The following GALNT14 variants were observed in gnomAD, a reference collection of about 807,000 sequenced individuals.
The protein encoded by GALNT14 is UDP-GalNAc:polypeptide N-acetylgalactosaminyltransferase 14.
A neutral mutation model predicts 77.5 loss-of-function variants in GALNT14; 60 were observed. The observed-to-expected ratio is 0.77, with a 90% confidence interval of 0.63 to 0.96. GALNT14 has a LOEUF of 0.96. GALNT14 is among the 40% of genes least tolerant of loss of function. The pLI is 0.00. For synonymous variants in GALNT14, 280 were observed against 281.7 expected (o/e 0.99, Z 0.06); for missense variants, 710 against 731.0 (o/e 0.97, Z 0.33).
At position 30,957,928 on chromosome 2, in the gene GALNT14, T is replaced by A. The variant is rs193034603; in HGVS notation, c.466+469A>T. On this transcript the variant is annotated intron_variant, in intron 4 of 14. Transcript: ENST00000349752. ...TGTACATTTCAAATTTGATGCACAG[T>A]GTCTGGTAAGACACACATGTTTTTC... is the stretch of plus-strand genomic sequence containing the variant. 5.3e-5 allele frequency among the ~76,000 whole-genome samples: 8 copies of A among 152,358 alleles called. No homozygotes were observed. The East Asian group carries it at 1.5e-3, about 29-fold the overall frequency.
chr2:31,092,660 AC>A (rs1426743446), intron 1 of GALNT14, among the ~76,000 whole-genome samples: 2 of 152,122 alleles, frequency 1.3e-5, no homozygotes, highest in African/African-American at 4.8e-5. Context: ...GGGACTGGAG[AC>A]CCATTTCAGT....
intron 1 of GALNT14, among the ~76,000 whole-genome samples, chr2:31,096,439 T>G (rs944827073): frequency 2.0e-5 from 3 of 152,304 alleles, no homozygotes; most frequent in Admixed American, 6.5e-5. Context: ...TTTCCTCCTA[T>G]GAAGTTGAGG....
At chr2:31,097,460 T>G (rs10175305) in intron 1 of GALNT14, among the ~76,000 whole-genome samples, 89,769 of 150,714 alleles carry the variant, frequency 0.6, 27,817 homozygotes, top group African/African-American at 0.76. Flanking sequence ...TCTAGGCATG[T>G]GAGATATGAA....
chr2:30,942,391 C>G, intron 8 of GALNT14, 87 bp from the exon 9 acceptor site: 2 of 933,986 alleles, frequency 2.1e-6, no homozygotes, highest in Non-Finnish European at 3.3e-6. Context: ...CTGAAACACC[C>G]ATTTCCCATT....
intron 1 of GALNT14, among the ~76,000 whole-genome samples, chr2:31,047,747 G>A (rs947910851): frequency 3.3e-5 from 5 of 152,294 alleles, no homozygotes; most frequent in African/African-American, 9.6e-5. Flanking sequence ...CCATACCCAG[G>A]ATGTACTGAA....
chr2:30,893,719 C>A, the GALNT14 span, among the ~76,000 whole-genome samples: 2 of 151,208 alleles, frequency 1.3e-5, no homozygotes, highest in African/African-American at 2.4e-5. Flanking sequence ...GGAGTCGTTG[C>A]GGAGTAGGGG....
At chr2:30,947,658 A>G (rs946978600) in intron 6 of GALNT14, among the ~76,000 whole-genome samples, 4 of 152,050 alleles carry the variant, frequency 2.6e-5, no homozygotes, top group Non-Finnish European at 5.9e-5. Flanking sequence ...TGCTTTTCCA[A>G]TCCTCTGCAC....
Position 30,952,712 on chromosome 2 carries a change from T to C in GALNT14, c.654+2906A>G, listed in dbSNP as rs1279777275. ...CCAGCATGGCACATGTATACATATG[T>C]AACTAACCTGCACATTGTGCACATG... On this transcript the variant is annotated intron_variant, in intron 6 of 14. Transcript: ENST00000349752. Among the ~76,000 whole-genome samples, 10 of 150,298 alleles carry C rather than the reference T, an allele frequency of 6.7e-5. No individual in the cohort carries two copies. In the East Asian group the frequency reaches 2.0e-3, roughly 30 times the overall value.
intron 13 of GALNT14, among the ~76,000 whole-genome samples, 161 bp from the exon 14 acceptor site, chr2:30,912,503 G>C (rs1387063788): frequency 3.3e-5 from 5 of 152,210 alleles, no homozygotes; most frequent in Non-Finnish European, 7.3e-5. Context: ...TGCTACTCAA[G>C]TGCCAGAGAC....
intron 1 of GALNT14, among the ~76,000 whole-genome samples, chr2:31,031,159 G>C (rs1457537653): frequency 6.6e-6 from 1 of 152,122 alleles, no homozygotes; most frequent in African/African-American, 2.4e-5. Context: ...CAAAATGGTA[G>C]ACTTATCAAG....
At chr2:31,039,535 T>C (rs974787593) in intron 1 of GALNT14, among the ~76,000 whole-genome samples, 9 of 152,340 alleles carry the variant, frequency 5.9e-5, no homozygotes, top group African/African-American at 2.2e-4. Flanking sequence ...TCTCATATTT[T>C]CCATCCAGTG....
At chr2:30,943,365 C>A (rs1162228805) in intron 8 of GALNT14, among the ~76,000 whole-genome samples, 1 of 152,146 alleles carries the variant, frequency 6.6e-6, no homozygotes, top group Non-Finnish European at 1.5e-5. Context: ...AAAGACCTGG[C>A]CCCCGTTCAG....
At chr2:31,125,212 C>G in intron 1 of GALNT14, 1 of 1,550,546 alleles carries the variant, frequency 6.4e-7, no homozygotes, top group South Asian at 1.2e-5. Flanking sequence ...CCTGAGGCGC[C>G]CAAGGGCTCA....
intron 2 of GALNT14, among the ~76,000 whole-genome samples, chr2:30,979,632 T>C (rs1328321233): frequency 1.3e-5 from 2 of 152,186 alleles, no homozygotes; most frequent in East Asian, 3.9e-4. Flanking sequence ...ACAGCAAAGA[T>C]AAGCTCAAGG....
Position 31,114,701 on chromosome 2 carries a change from CAA to C in GALNT14, c.129+23255_129+23256del, listed in dbSNP as rs778170117. On this transcript the variant is annotated intron_variant, in intron 1 of 14. Coordinates refer to ENST00000349752, the MANE Select transcript of GALNT14 (RefSeq NM_024572.4). The stretch of plus-strand genomic sequence containing the variant: ...CCAGAAGGGGAAAAAGGAACAAATA[CAA>C]AAGAGACAAGAATTTAACAAATGGA... 11 of 712,062 alleles carry C rather than the reference CAA, an allele frequency of 1.5e-5. No individual in the cohort carries two copies. In the South Asian group the frequency reaches 1.7e-4, roughly 11 times the overall value. The allele number at this position is 712,062 out of a possible 1,614,324, so 44.1% of individuals were successfully genotyped here. A position where few individuals can be genotyped will look rare whatever the true frequency, so the allele number is the denominator to read the frequency against.
At chr2:31,055,638 A>G (rs1674162370) in intron 1 of GALNT14, among the ~76,000 whole-genome samples, 2 of 152,206 alleles carry the variant, frequency 1.3e-5, no homozygotes. Context: ...GGCTTTGAGC[A>G]GGCTCACTGA....
chr2:30,981,399 C>T (rs1668979807), intron 2 of GALNT14, among the ~76,000 whole-genome samples: 1 of 152,226 alleles, frequency 6.6e-6, no homozygotes, highest in South Asian at 2.1e-4. Context: ...ACTCCAGGAG[C>T]AAGCATCTCT....
At chr2:30,970,997 C>T (rs1212434396) in intron 2 of GALNT14, among the ~76,000 whole-genome samples, 3 of 152,182 alleles carry the variant, frequency 2.0e-5, no homozygotes, top group East Asian at 1.9e-4. Context: ...ATCTGGTGCT[C>T]GTCCCTACAG....
intron 1 of GALNT14, among the ~76,000 whole-genome samples, chr2:31,079,760 G>A (rs930432761): frequency 2.0e-5 from 3 of 152,154 alleles, no homozygotes; most frequent in Admixed American, 6.5e-5. Context: ...GCACCCCACG[G>A]GCTTCCTTAG....
Sources: allele counts gnomAD v4.1 joint callset (sites outside exome capture counted in the v4.1 genomes callset), GRCh38; gene constraint gnomAD v4.1.1; transcripts MANE v1.5; gene names NCBI Gene and HGNC (gene_info 2026-07-23, HGNC 2026-07-21).